MID2: variants seen among roughly 807,000 people sequenced by gnomAD.
MID2 encodes the protein midline 2.
Under a neutral mutation model 46.1 loss-of-function variants are expected in MID2, and 13 were observed. The observed-to-expected ratio is 0.28, with a 90% CI of 0.18 to 0.45. The LOEUF (loss-of-function observed/expected upper bound fraction) is 0.45. MID2 is among the 20% of genes least tolerant of loss of function. The probability of loss-of-function intolerance (pLI) is 1.00; values close to 1 mark genes in which losing one functional copy is unlikely to be tolerated. For missense variants in MID2, 431 were observed against 575.4 expected (o/e 0.75, Z 2.57); for synonymous variants, 199 against 212.3 (o/e 0.94, Z 0.55).
intron 3 of MID2, among the ~76,000 whole-genome samples, chrX:107,857,393 G>A (rs896138194): frequency 3.9e-4 from 42 of 108,971 alleles, no homozygotes; most frequent in African/African-American, 1.3e-3. Flanking sequence ...TGATTCTCCC[G>A]TCTCAGCCTC....
At chrX:107,910,168 C>G (rs183224249) in intron 5 of MID2, among the ~76,000 whole-genome samples, 1 of 111,764 alleles carries the variant, frequency 8.9e-6, no homozygotes, top group African/African-American at 3.3e-5. Flanking sequence ...CTCCTCATAC[C>G]AGCCTCTAGT....
chrX:107,885,622 T>A (rs2147851620), intron 3 of MID2, among the ~76,000 whole-genome samples: 1 of 111,840 alleles, frequency 8.9e-6, no homozygotes, highest in Admixed American at 9.5e-5. Context: ...TTTGTAATCC[T>A]TTGGGTATAT....
chrX:107,878,146 C>T (rs1932241468), intron 3 of MID2, among the ~76,000 whole-genome samples: 1 of 111,520 alleles, frequency 9.0e-6, no homozygotes, highest in Admixed American at 9.4e-5. Context: ...GCTCTATGGG[C>T]GTGTGATGGG....
At chrX:107,898,267 T>C (rs1377549473) in intron 3 of MID2, among the ~76,000 whole-genome samples, 1 of 112,427 alleles carries the variant, frequency 8.9e-6, no homozygotes, top group Non-Finnish European at 1.9e-5. Flanking sequence ...CTCCAACCCT[T>C]GTTTCTAGCC....
intron 3 of MID2, among the ~76,000 whole-genome samples, chrX:107,862,152 CAGGAGG>C (rs773646426): frequency 9.1e-6 from 1 of 110,395 alleles, no homozygotes; most frequent in African/African-American, 3.3e-5. Flanking sequence ...GTCATAGTAG[CAGGAGG>C]AGGAGGAGGA....
chrX:107,893,142 G>A (rs997387939), intron 3 of MID2, among the ~76,000 whole-genome samples: 1 of 112,508 alleles, frequency 8.9e-6, no homozygotes, highest in African/African-American at 3.2e-5. Context: ...AATCTTTCAT[G>A]TTCTTACGGC....
At chrX:107,845,015 C>T (rs1931430445) in intron 2 of MID2, among the ~76,000 whole-genome samples, 1 of 111,711 alleles carries the variant, frequency 9.0e-6, no homozygotes, top group Non-Finnish European at 1.9e-5. Context: ...ATACCAGTGC[C>T]TATAGCTTGC....
chrX:107,831,935 G>C (rs1010027459), intron 1 of MID2, among the ~76,000 whole-genome samples: 1 of 112,052 alleles, frequency 8.9e-6, no homozygotes, highest in African/African-American at 3.2e-5. Context: ...CAATTATCAT[G>C]TGTTACCTTG....
intron 3 of MID2, among the ~76,000 whole-genome samples, chrX:107,903,600 C>T (rs1932812301): frequency 9.0e-6 from 1 of 111,699 alleles, no homozygotes; most frequent in Non-Finnish European, 1.9e-5. Flanking sequence ...GAGGAGGATA[C>T]TCTTTTCTTG....
At chrX:107,858,648 T>G (rs1931793848) in intron 3 of MID2, among the ~76,000 whole-genome samples, 2 of 112,546 alleles carry the variant, frequency 1.8e-5, no homozygotes, top group African/African-American at 6.5e-5. Flanking sequence ...GGGAAAACAG[T>G]ATATAGTGAG....
chrX:107,833,408 A>ATT (rs1008144161), intron 1 of MID2, among the ~76,000 whole-genome samples: 1 of 102,081 alleles, frequency 9.8e-6, no homozygotes, highest in African/African-American at 3.9e-5. Flanking sequence ...AAGAATGTTT[A>ATT]TTTTATATAT....
chrX:107,872,925 G>A (rs1367088827), intron 3 of MID2, among the ~76,000 whole-genome samples: 3 of 110,779 alleles, frequency 2.7e-5, no homozygotes, highest in Non-Finnish European at 1.9e-5. Context: ...ACATGTAGTA[G>A]GGCTATGGGG....
At chrX:107,872,086 G>A (rs1339153083) in intron 3 of MID2, among the ~76,000 whole-genome samples, 1 of 111,603 alleles carries the variant, frequency 9.0e-6, no homozygotes, top group Non-Finnish European at 1.9e-5. Context: ...TAATATGGAC[G>A]ATGACTGGTC....
At chrX:107,910,789 TTTCC>T (rs1453706047) in intron 5 of MID2, among the ~76,000 whole-genome samples, 2 of 11,629 alleles carry the variant, frequency 1.7e-4, no homozygotes, top group Middle Eastern at 0.011. Context: ...TTTCCTTTCC[TTTCC>T]TTTCCTTTCC....
At position 107,887,131 on chromosome X, in the gene MID2, A is replaced by G. The variant is rs1251106596; in HGVS notation, c.817-16827A>G. ...ACCCTTTATTTCCTTCTCCTGCCTAATTGCCCTGGCCAGAACTTCCAACAC... is the reference window on the plus strand; with the variant it reads ...ACCCTTTATTTCCTTCTCCTGCCTAGTTGCCCTGGCCAGAACTTCCAACAC... On this transcript the variant is annotated intron_variant, in intron 3 of 9. Transcript: ENST00000262843. 9.9e-5 allele frequency among the ~76,000 whole-genome samples: 11 copies of G among 111,379 alleles called. No homozygotes were observed. In the South Asian group the frequency reaches 1.5e-3, roughly 16 times the overall value.
At chrX:107,853,786 A>G (rs1931682731) in intron 2 of MID2, among the ~76,000 whole-genome samples, 1 of 111,557 alleles carries the variant, frequency 9.0e-6, no homozygotes, top group Admixed American at 9.6e-5. Flanking sequence ...AATCAAAAAC[A>G]AAAAAAGTCA....
intron 2 of MID2, among the ~76,000 whole-genome samples, chrX:107,845,525 A>ACACTCTCTCTCTCTCTCTCT (rs1276957001): frequency 1.5e-4 from 11 of 72,942 alleles, no homozygotes; most frequent in African/African-American, 7.6e-4. Flanking sequence ...ACACACACAC[A>ACACTCTCTCTCTCTCTCTCT]CTCTCTCTCT....
intron 2 of MID2, among the ~76,000 whole-genome samples, chrX:107,845,523 A>ACTCTCTCTCTCTCT (rs1193188324): frequency 1.0e-3 from 89 of 85,904 alleles, no homozygotes; most frequent in African/African-American, 3.9e-3. Flanking sequence ...ACACACACAC[A>ACTCTCTCTCTCTCT]CACTCTCTCT....
In MID2 at chrX:107,914,153, T is replaced by G. The variant is rs189000989; in HGVS notation, c.1074-1849T>G. 6.2e-5 allele frequency among the ~76,000 whole-genome samples: 7 copies of G among 112,426 alleles called. No individual in the cohort carries two copies. The Admixed American group carries it at 6.6e-4, about 11-fold the overall frequency. On this transcript the variant is annotated intron_variant, in intron 5 of 9. Coordinates refer to ENST00000262843, the MANE Select transcript of MID2 (RefSeq NM_012216.4). ...CACGTAATGTCTTTCTCCTTCATGA[T>G]GTGTGAGCTCTTGAAGGCAAGAACC... is the stretch of plus-strand genomic sequence containing the variant.
Sources: gnomAD v4.1 joint callset for allele counts (sites outside exome capture counted in the v4.1 genomes callset) on GRCh38, gnomAD v4.1.1 for gene constraint, MANE v1.5 for transcripts, NCBI Gene and HGNC (gene_info 2026-07-23, HGNC 2026-07-21) for gene names.